AKT3: variants seen among roughly 807,000 people sequenced by gnomAD.
The protein encoded by AKT3 is RAC-gamma serine/threonine-protein kinase.
In AKT3, 15 loss-of-function variants were observed where a neutral mutation model predicts 65.3. The ratio of observed to expected loss-of-function variants is 0.23; its 90% confidence interval spans 0.15 to 0.35. The LOEUF (loss-of-function observed/expected upper bound fraction) is 0.35. Among genes scored for constraint, AKT3 ranks in the 10% least tolerant of loss-of-function variants. The probability of loss-of-function intolerance (pLI) is 1.00; values close to 1 mark genes in which losing one functional copy is unlikely to be tolerated. For synonymous variants in AKT3, 206 were observed against 183.8 expected (o/e 1.12, Z -0.98); for missense variants, 243 against 576.5 (o/e 0.42, Z 5.92).
Position 243,849,386 on chromosome 1 carries a change from A to ACCCCCCCCCCC in AKT3, c.-113+643_-113+653dup, listed in dbSNP as rs57424400. 6.5e-3 allele frequency among the ~76,000 whole-genome samples: 695 copies of ACCCCCCCCCCC among 107,094 alleles called. 1 individual carries two copies. Among genetic ancestry groups the ACCCCCCCCCCC allele is most frequent in the African/African-American group, 0.012 (324 of 26,000 alleles). 70.3% of individuals were successfully genotyped at this position (107,094 alleles called of 152,430 possible). A position where few individuals can be genotyped will look rare whatever the true frequency, so the allele number is the denominator to read the frequency against. On this transcript the variant is annotated intron_variant, in intron 1 of 13. Coordinates refer to ENST00000673466, the MANE Select transcript of AKT3 (RefSeq NM_005465.7). ...CACGTTACCCACCTCCCACACACAC[A>ACCCCCCCCCCC]CCCCCCCCCCCACCCCACCAGTGCC...
chr1:243,830,913 A>G (rs1422518164), intron 2 of AKT3, among the ~76,000 whole-genome samples: 1 of 152,060 alleles, frequency 6.6e-6, no homozygotes, highest in African/African-American at 2.4e-5. Context: ...AAATCTACCA[A>G]TTCCTACCCT....
intron 4 of AKT3, among the ~76,000 whole-genome samples, chr1:243,661,290 C>G (rs1387593235): frequency 2.0e-5 from 3 of 152,198 alleles, no homozygotes; most frequent in Non-Finnish European, 4.4e-5. Flanking sequence ...AGGCATCATG[C>G]TACCTGACTT....
chr1:243,674,298 G>A (rs897209965), intron 3 of AKT3, among the ~76,000 whole-genome samples: 10 of 152,138 alleles, frequency 6.6e-5, no homozygotes, highest in African/African-American at 2.4e-4. Flanking sequence ...CCACATGAGA[G>A]AAACTTAGTT....
upstream of AKT3, among the ~76,000 whole-genome samples, chr1:243,850,863 C>T (rs1695755581): frequency 6.6e-6 from 1 of 152,192 alleles, no homozygotes; most frequent in South Asian, 2.1e-4. Flanking sequence ...TTCTGGGTTT[C>T]CCCCTCGCCC....
chr1:243,616,883 G>C (rs1678367859), intron 6 of AKT3, among the ~76,000 whole-genome samples: 1 of 152,110 alleles, frequency 6.6e-6, no homozygotes, highest in Non-Finnish European at 1.5e-5. Context: ...TGTTTTATAG[G>C]AGTCAGTTTT....
intron 4 of AKT3, among the ~76,000 whole-genome samples, chr1:243,648,832 G>A (rs1020346244): frequency 5.3e-5 from 8 of 151,734 alleles, no homozygotes; most frequent in African/African-American, 1.9e-4. Context: ...ACCCCAAAAC[G>A]TTTTTCAATT....
downstream of AKT3, among the ~76,000 whole-genome samples, chr1:243,495,390 C>G (rs1667556460): frequency 6.6e-6 from 1 of 152,220 alleles, no homozygotes. Flanking sequence ...AGCCCAGAAG[C>G]AGCAAAGCCA....
chr1:243,660,943 A>G (rs1296657464), intron 4 of AKT3, among the ~76,000 whole-genome samples: 3 of 152,214 alleles, frequency 2.0e-5, no homozygotes, highest in Non-Finnish European at 4.4e-5. Context: ...ATCATGAGTG[A>G]ACTCCCATTC....
intron 2 of AKT3, among the ~76,000 whole-genome samples, chr1:243,715,561 CAT>C (rs1393512343): frequency 1.3e-5 from 2 of 152,158 alleles, no homozygotes; most frequent in Non-Finnish European, 2.9e-5. Flanking sequence ...TTAACAATGT[CAT>C]GATACTATCT....
intron 2 of AKT3, among the ~76,000 whole-genome samples, chr1:243,826,895 T>G (rs1204513795): frequency 6.6e-6 from 1 of 152,178 alleles, no homozygotes; most frequent in Admixed American, 6.5e-5. Context: ...AACATTCTGA[T>G]GCCAAGTAAG....
intron 9 of AKT3, among the ~76,000 whole-genome samples, chr1:243,571,260 T>C (rs1301133227): frequency 6.6e-6 from 1 of 152,134 alleles, no homozygotes; most frequent in African/African-American, 2.4e-5. Context: ...GAGGTTGCAG[T>C]GAGCCAAGAT....
chr1:243,619,139 C>A (rs926161261), intron 6 of AKT3, among the ~76,000 whole-genome samples: 17 of 152,132 alleles, frequency 1.1e-4, no homozygotes, highest in African/African-American at 3.9e-4. Flanking sequence ...CCTCCATCCA[C>A]CCAGAGCTAT....
Position 243,730,796 on chromosome 1 carries a change from G to A in AKT3, c.47-35080C>T, listed in dbSNP as rs140174490. ...CGTCCCCAAGTTTTTAGGTGCCACC[G>A]CATCCCCCTTTTCCAGACACCAGCA... On this transcript the variant is annotated intron_variant, in intron 2 of 13. Coordinates refer to ENST00000673466, the MANE Select transcript of AKT3 (RefSeq NM_005465.7). Among the ~76,000 whole-genome samples, 189 of 152,314 alleles carry A rather than the reference G, an allele frequency of 1.2e-3. 1 individual carries two copies. The highest frequency in any genetic ancestry group is 4.2e-3 in the African/African-American group (175 of 41,568).
intron 2 of AKT3, among the ~76,000 whole-genome samples, chr1:243,792,552 A>G (rs778071691): frequency 6.6e-6 from 1 of 152,230 alleles, no homozygotes; most frequent in Non-Finnish European, 1.5e-5. Flanking sequence ...AGCTGAGATT[A>G]GCCTTACAAT....
At chr1:243,595,099 C>G (rs74792743) in intron 8 of AKT3, among the ~76,000 whole-genome samples, 55 of 152,306 alleles carry the variant, frequency 3.6e-4, no homozygotes, top group African/African-American at 1.3e-3. Context: ...TAGACAATTT[C>G]ATCATTGTGA....
intron 12 of AKT3, among the ~76,000 whole-genome samples, chr1:243,538,986 C>A (rs1184087855): frequency 6.6e-6 from 1 of 152,080 alleles, no homozygotes. Flanking sequence ...CATCAACTAT[C>A]TTTTTCAGAA....
In AKT3 at chr1:243,747,352, A is replaced by G. The variant is rs138575877; in HGVS notation, c.47-51636T>C. 2.4e-3 allele frequency among the ~76,000 whole-genome samples: 359 copies of G among 152,354 alleles called. 2 individuals are homozygous for G. Among genetic ancestry groups the G allele is most frequent in the African/African-American group, 8.5e-3 (352 of 41,588 alleles). ...TGAATTTGAGAATTAAAAGGGAATT[A>G]GAGGATAATTTCAAGAGGAATTTCA... On this transcript the variant is annotated intron_variant, in intron 2 of 13. Coordinates refer to ENST00000673466, the MANE Select transcript of AKT3 (RefSeq NM_005465.7).
Position 243,512,432 on chromosome 1 carries a change from A to C in AKT3, c.1252-6T>G, listed in dbSNP as rs765955777. 6.8e-7 allele frequency: 1 copy of C among 1,473,352 alleles called. No individual in the cohort carries two copies. Among genetic ancestry groups the C allele is most frequent in the Admixed American group, 2.1e-5 (1 of 47,192 alleles). The allele number at this position is 1,473,352 out of a possible 1,614,324, so 91.3% of individuals were successfully genotyped here. A position where few individuals can be genotyped will look rare whatever the true frequency, so the allele number is the denominator to read the frequency against. On this transcript the variant is annotated splice_region_variant and splice_polypyrimidine_tract_variant and intron_variant, in intron 12 of 13. Coordinates refer to ENST00000673466, the MANE Select transcript of AKT3 (RefSeq NM_005465.7). Reference sequence around the variant, plus strand: ...GGTTTAAAAGGAGGTACAAGCTGTAAAAAGAAAGAAAAAGAGTTTTATTAA... The same window carrying C: ...GGTTTAAAAGGAGGTACAAGCTGTACAAAGAAAGAAAAAGAGTTTTATTAA...
At chr1:243,755,548 A>T (rs1689082943) in intron 2 of AKT3, among the ~76,000 whole-genome samples, 1 of 152,194 alleles carries the variant, frequency 6.6e-6, no homozygotes, top group African/African-American at 2.4e-5. Flanking sequence ...ACTATTGGAT[A>T]CATTTAGAGC....
Sources: allele counts gnomAD v4.1 joint callset (sites outside exome capture counted in the v4.1 genomes callset), GRCh38; gene constraint gnomAD v4.1.1; transcripts MANE v1.5; gene names NCBI Gene and HGNC (gene_info 2026-07-23, HGNC 2026-07-21).